FXYD3: variants seen among roughly 807,000 people sequenced by gnomAD.
FXYD3 encodes FXYD domain containing ion transport regulator 3.
In FXYD3, 13 loss-of-function variants were observed where a neutral mutation model predicts 19.2. The observed-to-expected ratio is 0.68, with a 90% confidence interval of 0.44 to 1.08. FXYD3 has a LOEUF of 1.08. Ranked by LOEUF, FXYD3 falls within the 50% of genes least tolerant of loss-of-function variation. The pLI, the probability that FXYD3 is intolerant of heterozygous loss-of-function variation, is 0.00. For synonymous variants in FXYD3, 48 were observed against 38.9 expected (o/e 1.23, Z -0.87); for missense variants, 101 against 109.4 (o/e 0.92, Z 0.34).
At chr19:35,122,860 G>T (rs1470153784) in intron 6 of FXYD3, 21 bp downstream of exon 6, 2 of 1,613,848 alleles carry the variant, frequency 1.2e-6, no homozygotes, top group Non-Finnish European at 1.7e-6. Flanking sequence ...GAGCTCGGGG[G>T]AGCAGGCGGG....
chr19:35,117,146 G>C, intron 2 of FXYD3: 1 of 1,344,342 alleles, frequency 7.4e-7, no homozygotes, highest in South Asian at 2.1e-5. Context: ...ATCAGTTCGG[G>C]AGCAGCCCAC....
In FXYD3 at chr19:35,123,575, A is replaced by G; in HGVS notation, c.*118A>G. The G allele has an allele frequency of 1.9e-6, 2 of 1,059,412 alleles. No homozygotes were observed. The highest frequency in any genetic ancestry group is 1.9e-5 in the Admixed American group (1 of 52,042). 65.6% of individuals were successfully genotyped at this position (1,059,412 alleles called of 1,614,324 possible). A position where few individuals can be genotyped will look rare whatever the true frequency, so the allele number is the denominator to read the frequency against. ...TCCTCCTCTGCTGGGACTCCTTTGCATGGCAGGGCCTCATCTCACCTCTCG... is the reference window on the plus strand; with the variant it reads ...TCCTCCTCTGCTGGGACTCCTTTGCGTGGCAGGGCCTCATCTCACCTCTCG... On this transcript the variant is annotated 3_prime_UTR_variant, in exon 9 of 9. Coordinates refer to ENST00000604404, the MANE Select transcript of FXYD3 (RefSeq NM_005971.4).
intron 2 of FXYD3, 113 bp from the exon 3 acceptor site, chr19:35,119,250 G>A (rs748531703): frequency 1.2e-5 from 19 of 1,612,286 alleles, no homozygotes; most frequent in South Asian, 5.5e-5. Context: ...TTCCTGTCCC[G>A]GGTGAGCTGC....
chr19:35,122,501 T>G (rs1015777560), intron 5 of FXYD3, among the ~76,000 whole-genome samples: 9 of 152,244 alleles, frequency 5.9e-5, no homozygotes, highest in African/African-American at 2.2e-4. Flanking sequence ...TCAGCCACTA[T>G]GCCCAGCCCG....
chr19:35,117,496 A>G, intron 2 of FXYD3: 1 of 954,088 alleles, frequency 1.0e-6, no homozygotes, highest in Non-Finnish European at 1.4e-6. Context: ...AGCTGCAGAG[A>G]TTGAGCGAGT....
chr19:35,122,691 A>G (rs2065070128), intron 5 of FXYD3, 74 bp from the exon 6 acceptor site: 2 of 1,217,242 alleles, frequency 1.6e-6, no homozygotes, highest in South Asian at 2.4e-5. Context: ...CTCCATATAT[A>G]TTTGTCAAGA....
chr19:35,123,131 T>C (rs1474874670), intron 7 of FXYD3, 140 bp from the exon 8 acceptor site: 39 of 1,473,578 alleles, frequency 2.6e-5, no homozygotes, highest in Non-Finnish European at 3.4e-5. Flanking sequence ...AATCCTGAAA[T>C]GCTTTGGCCC....
Position 35,122,928 on chromosome 19 carries a change from C to T in FXYD3, c.183C>T (p.Cys61=). 2 of 1,606,968 alleles carry T rather than the reference C, an allele frequency of 1.2e-6. No homozygotes were observed. The highest frequency in any genetic ancestry group is 1.7e-6 in the Non-Finnish European group (2 of 1,175,948). Residue 61 remains cysteine, a synonymous_variant, in exon 7 of 9, where the codon TGC becomes TGT. Transcript: ENST00000604404. Reference sequence around the variant, plus strand: ...AGCTCTCCCCAACAGGTGCAAAATGCAAATGCAAGTTTGGCCAGAAGTCCG... The same window carrying T: ...AGCTCTCCCCAACAGGTGCAAAATGTAAATGCAAGTTTGGCCAGAAGTCCG... ...MGIIIVMSAK[C]KCKFGQKSGH...
chr19:35,117,455 A>G, intron 2 of FXYD3: 1 of 1,256,672 alleles, frequency 8.0e-7, no homozygotes, highest in Non-Finnish European at 1.0e-6. Context: ...TACAACTGCA[A>G]TGTGGGCTAA....
rs1464358808 is a variant in FXYD3 at position 35,118,351 on chromosome 19, G to A, written c.-14-1012G>A. 13 of 392,466 alleles carry A rather than the reference G, an allele frequency of 3.3e-5. No individual in the cohort carries two copies. In the East Asian group the frequency reaches 3.1e-3, roughly 94 times the overall value. The allele number at this position is 392,466 out of a possible 1,614,324, so 24.3% of individuals were successfully genotyped here. On this transcript the variant is annotated intron_variant, in intron 2 of 8. Transcript: ENST00000604404. ...AGCCTGGGTGACAGAGTGAAACTCC[G>A]CCTCAAAAAAAAAAAAAAAAAAAAC...
chr19:35,119,160 C>G, intron 2 of FXYD3: 4 of 1,549,780 alleles, frequency 2.6e-6, no homozygotes, highest in Non-Finnish European at 3.5e-6. Context: ...TGGCTCCTCC[C>G]GCCTCAGGCC....
chr19:35,123,391 A>AG lies in FXYD3; in HGVS notation c.248-49dup, dbSNP rs1393106434. 3 of 1,613,892 alleles carry AG rather than the reference A, an allele frequency of 1.9e-6. No homozygotes were observed. The East Asian group carries it at 6.7e-5, about 36-fold the overall frequency. On this transcript the variant is annotated intron_variant, in intron 8 of 8. Coordinates refer to ENST00000604404, the MANE Select transcript of FXYD3 (RefSeq NM_005971.4). Reference sequence around the variant, plus strand: ...GTATGTGTGTGTTTGCACACTGGAAAGAAAAGAACTCAATCCACCCTCACA... The same window carrying AG: ...GTATGTGTGTGTTTGCACACTGGAAAGGAAAAGAACTCAATCCACCCTCACA...
chr19:35,119,678 T>TC, intron 3 of FXYD3: 10 of 461,330 alleles, frequency 2.2e-5, no homozygotes, highest in Non-Finnish European at 3.8e-5. Flanking sequence ...TGTTTTTGTT[T>TC]TTGTTTTTGT....
At chr19:35,118,962 A>C (rs926689633) in intron 2 of FXYD3, among the ~76,000 whole-genome samples, 3 of 152,006 alleles carry the variant, frequency 2.0e-5, no homozygotes, top group Non-Finnish European at 4.4e-5. Context: ...GACAGTCCCT[A>C]GTTAGGAGCA....
chr19:35,119,088 G>A (rs1347127530), intron 2 of FXYD3: 18 of 992,382 alleles, frequency 1.8e-5, no homozygotes, highest in African/African-American at 4.8e-5. Flanking sequence ...GGGCAGTGGC[G>A]CCCTTGTTTG....
Position 35,123,298 on chromosome 19 carries a change from C to T in FXYD3, c.237C>T (p.Leu79=), listed in dbSNP as rs776819772. Residue 79 remains leucine (L), a synonymous_variant, in exon 8 of 9, where the codon CTC becomes CTT. Transcript: ENST00000604404. ...SGHHPGETPP[L]ITPGSAQS Reference sequence around the variant, plus strand: ...ACCATCCAGGGGAGACTCCACCTCTCATCACCCCAGGTAAGATGGGGCAGC... The same window carrying T: ...ACCATCCAGGGGAGACTCCACCTCTTATCACCCCAGGTAAGATGGGGCAGC... 1.9e-6 allele frequency: 3 copies of T among 1,609,008 alleles called. No homozygotes were observed. The highest frequency in any genetic ancestry group is 1.1e-5 in the South Asian group (1 of 90,030).
At position 35,123,472 on chromosome 19, in the gene FXYD3, C is replaced by A; in HGVS notation, c.*15C>A. 1 of 1,614,070 alleles carries A rather than the reference C, an allele frequency of 6.2e-7. No homozygotes were observed. Among genetic ancestry groups the A allele is most frequent in the Non-Finnish European group, 8.5e-7 (1 of 1,179,946 alleles). ...CCCAAAGCTGATGAGGACAGACCAG[C>A]TGAAATTGGGTGGAGGACCGTTCTC... is the stretch of plus-strand genomic sequence containing the variant. On this transcript the variant is annotated 3_prime_UTR_variant, in exon 9 of 9. Transcript: ENST00000604404.
intron 3 of FXYD3, 112 bp from the exon 4 acceptor site, chr19:35,120,966 C>T: frequency 1.8e-6 from 2 of 1,134,864 alleles, no homozygotes; most frequent in Non-Finnish European, 1.3e-6. Context: ...GACAGGACCC[C>T]TGTCCCGCAG....
At position 35,120,360 on chromosome 19, in the gene FXYD3, G is replaced by C. The variant is rs571607118; in HGVS notation, c.41-718G>C. Among the ~76,000 whole-genome samples, 31 of 152,114 alleles carry C rather than the reference G, an allele frequency of 2.0e-4. No individual in the cohort carries two copies. The South Asian group carries it at 6.2e-3, about 31-fold the overall frequency. The stretch of plus-strand genomic sequence containing the variant: ...TCACCATATTGGCCAGGCTGGTCTC[G>C]AACTCCTGACCTCAAGTGATCCTCC... On this transcript the variant is annotated intron_variant, in intron 3 of 8. Transcript: ENST00000604404.
Sources: allele counts gnomAD v4.1 joint callset (sites outside exome capture counted in the v4.1 genomes callset), GRCh38; gene constraint gnomAD v4.1.1; transcripts MANE v1.5; gene names NCBI Gene and HGNC (gene_info 2026-07-23, HGNC 2026-07-21).